EIF4EBP1: variants seen among roughly 807,000 people sequenced by gnomAD.
The protein encoded by EIF4EBP1 is eukaryotic translation initiation factor 4E-binding protein 1.
EIF4EBP1 carries 5 observed loss-of-function variants against 9.2 expected under a neutral mutation model. The observed-to-expected ratio is 0.54, with a 90% confidence interval of 0.28 to 1.14. The LOEUF (loss-of-function observed/expected upper bound fraction) is 1.14. Among genes scored for constraint, EIF4EBP1 ranks in the 50% most tolerant of loss-of-function variants. The probability of loss-of-function intolerance (pLI) is 0.09; values close to 1 mark genes in which losing one functional copy is unlikely to be tolerated. For synonymous variants in EIF4EBP1, 62 were observed against 67.0 expected (o/e 0.93, Z 0.36); for missense variants, 139 against 169.6 (o/e 0.82, Z 1.00).
At chr8:38,059,039 G>A (rs920101239) in intron 2 of EIF4EBP1, among the ~76,000 whole-genome samples, 3 of 152,192 alleles carry the variant, frequency 2.0e-5, no homozygotes, top group African/African-American at 7.2e-5. Context: ...AGCTATGATT[G>A]CGTAACTGCA....
rs1809435849 is a variant in EIF4EBP1, at chr8:38,045,336, TG to T, written c.146-11743del. 2.0e-5 allele frequency among the ~76,000 whole-genome samples: 3 copies of T among 152,182 alleles called. No homozygotes were observed. In the South Asian group the frequency reaches 6.2e-4, roughly 31 times the overall value. ...CCAACAAGGAGATCCTAAAAATAAA[TG>T]GCACGTGCCTGGTGCTTTCAAAATA... is the stretch of plus-strand genomic sequence containing the variant. On this transcript the variant is annotated intron_variant, in intron 1 of 2. Transcript: ENST00000338825.
chr8:38,046,892 G>A (rs1039434352), intron 1 of EIF4EBP1, among the ~76,000 whole-genome samples: 5 of 152,160 alleles, frequency 3.3e-5, no homozygotes, highest in Non-Finnish European at 5.9e-5. Context: ...AGCACACAAC[G>A]GGCTGGATCC....
rs1343714132 is a variant in EIF4EBP1 at position 38,030,862 on chromosome 8, A to G, written c.145+144A>G. ...GGGCATCGGAGAGACAGCGAGGGTC[A>G]TGGAAGTGGCCGCCCGCTTCCCCTC... On this transcript the variant is annotated intron_variant, in intron 1 of 2. Coordinates refer to ENST00000338825, the MANE Select transcript of EIF4EBP1 (RefSeq NM_004095.4). The G allele has an allele frequency of 4.0e-6, 5 of 1,248,334 alleles. No homozygotes were observed. The South Asian group carries it at 5.6e-5, about 14-fold the overall frequency. 77.3% of individuals were successfully genotyped at this position (1,248,334 alleles called of 1,614,324 possible).
intron 1 of EIF4EBP1, among the ~76,000 whole-genome samples, chr8:38,036,406 A>G (rs1300659134): frequency 6.6e-6 from 1 of 152,070 alleles, no homozygotes; most frequent in Non-Finnish European, 1.5e-5. Flanking sequence ...CCAGCTACAC[A>G]GGAGGCTGAG....
At chr8:38,036,702 T>G (rs955944929) in intron 1 of EIF4EBP1, among the ~76,000 whole-genome samples, 4 of 151,566 alleles carry the variant, frequency 2.6e-5, no homozygotes, top group Non-Finnish European at 4.4e-5. Context: ...GGTCTCACTT[T>G]GTCACCCAGG....
At chr8:38,049,990 C>A (rs1427171564) in intron 1 of EIF4EBP1, among the ~76,000 whole-genome samples, 1 of 151,950 alleles carries the variant, frequency 6.6e-6, no homozygotes, top group East Asian at 1.9e-4. Flanking sequence ...CGGCTCACTG[C>A]AGCCTCCGCC....
intron 1 of EIF4EBP1, among the ~76,000 whole-genome samples, chr8:38,031,813 G>A (rs1463230814): frequency 6.6e-6 from 1 of 152,214 alleles, no homozygotes; most frequent in East Asian, 1.9e-4. Flanking sequence ...ATTCTACAGA[G>A]CCCGGCATTG....
At chr8:38,054,253 C>T (rs1048806291) in intron 1 of EIF4EBP1, among the ~76,000 whole-genome samples, 2 of 152,170 alleles carry the variant, frequency 1.3e-5, no homozygotes, top group African/African-American at 2.4e-5. Context: ...AGTTCAAGAC[C>T]AGCTTGGCCA....
At chr8:38,040,683 A>G (rs1025786401) in intron 1 of EIF4EBP1, among the ~76,000 whole-genome samples, 5 of 152,142 alleles carry the variant, frequency 3.3e-5, no homozygotes, top group African/African-American at 1.2e-4. Context: ...AGTTCCCTCT[A>G]TCCTCTTGGT....
rs979930424 is a variant in EIF4EBP1, at chr8:38,030,663, G to A, written c.90G>A (p.Pro30=). Residue 30 remains proline, a synonymous_variant, in exon 1 of 3, where the codon CCG becomes CCA. Coordinates refer to ENST00000338825, the MANE Select transcript of EIF4EBP1 (RefSeq NM_004095.4). ...RVVLGDGVQL[P]PGDYSTTPGG... is the part of the protein sequence containing the mutation. Reference sequence around the variant, plus strand: ...TGCTCGGCGACGGCGTGCAGCTCCCGCCCGGGGACTACAGCACGACCCCCG... The same window carrying A: ...TGCTCGGCGACGGCGTGCAGCTCCCACCCGGGGACTACAGCACGACCCCCG... 1.6e-5 allele frequency: 24 copies of A among 1,501,822 alleles called. No homozygotes were observed. In the African/African-American group the frequency reaches 3.0e-4, roughly 19 times the overall value. The allele number at this position is 1,501,822 out of a possible 1,614,324, so 93.0% of individuals were successfully genotyped here. A position where few individuals can be genotyped will look rare whatever the true frequency, so the allele number is the denominator to read the frequency against.
intron 1 of EIF4EBP1, among the ~76,000 whole-genome samples, chr8:38,048,595 C>T (rs761183116): frequency 1.3e-5 from 2 of 152,160 alleles, no homozygotes; most frequent in Non-Finnish European, 2.9e-5. Context: ...TGCTCCAGCC[C>T]TGCCACACAA....
At chr8:38,045,772 T>G (rs965271841) in intron 1 of EIF4EBP1, among the ~76,000 whole-genome samples, 2 of 152,096 alleles carry the variant, frequency 1.3e-5, no homozygotes, top group African/African-American at 4.8e-5. Context: ...ACAGATCTTG[T>G]TCTGTCTCCC....
At chr8:38,038,600 T>C (rs1809334894) in intron 1 of EIF4EBP1, among the ~76,000 whole-genome samples, 3 of 150,916 alleles carry the variant, frequency 2.0e-5, no homozygotes, top group South Asian at 4.2e-4. Flanking sequence ...CCTCTCAGGC[T>C]CAAGCAATCC....
chr8:38,043,800 C>T lies in EIF4EBP1; in HGVS notation c.145+13082C>T, dbSNP rs370417044. On this transcript the variant is annotated intron_variant, in intron 1 of 2. Coordinates refer to ENST00000338825, the MANE Select transcript of EIF4EBP1 (RefSeq NM_004095.4). ...TCTTGGTTCTCTTTGTGGAGGTCAGCGGTTGCGGGGCAGAGGTAAAGAAAA... is the reference window on the plus strand; with the variant it reads ...TCTTGGTTCTCTTTGTGGAGGTCAGTGGTTGCGGGGCAGAGGTAAAGAAAA... 5.9e-5 allele frequency among the ~76,000 whole-genome samples: 9 copies of T among 152,234 alleles called. No homozygotes were observed. In the South Asian group the frequency reaches 1.7e-3, roughly 28 times the overall value.
At chr8:38,041,568 C>G (rs1402608991) in intron 1 of EIF4EBP1, among the ~76,000 whole-genome samples, 1 of 152,188 alleles carries the variant, frequency 6.6e-6, no homozygotes. Flanking sequence ...GAGCCAGGAC[C>G]AGGTGCAGAA....
chr8:38,046,723 G>T (rs1809453709), intron 1 of EIF4EBP1, among the ~76,000 whole-genome samples: 1 of 152,184 alleles, frequency 6.6e-6, no homozygotes, highest in South Asian at 2.1e-4. Context: ...ATCTGGAGAA[G>T]CAGAAACTGA....
intron 1 of EIF4EBP1, among the ~76,000 whole-genome samples, chr8:38,046,477 A>G (rs1005033836): frequency 1.3e-5 from 2 of 152,186 alleles, no homozygotes; most frequent in Non-Finnish European, 2.9e-5. Context: ...TGTCCCTTCC[A>G]AGTGTCTCTC....
intron 1 of EIF4EBP1, among the ~76,000 whole-genome samples, chr8:38,046,183 G>C (rs1809446737): frequency 6.6e-6 from 1 of 152,056 alleles, no homozygotes; most frequent in African/African-American, 2.4e-5. Flanking sequence ...GATTACAGGC[G>C]TGAGCTTCCC....
In EIF4EBP1 at chr8:38,060,358, G is replaced by A; in HGVS notation, c.*423G>A. On this transcript the variant is annotated 3_prime_UTR_variant, in exon 3 of 3. Transcript: ENST00000338825. ...GAAATAAAAGCCACCTTCGCCCTAGGGCCAAGAGTTGGGCCCCGTCTGAGC... is the reference window on the plus strand; with the variant it reads ...GAAATAAAAGCCACCTTCGCCCTAGAGCCAAGAGTTGGGCCCCGTCTGAGC... The A allele has an allele frequency of 3.9e-6, 1 of 253,208 alleles. No homozygotes were observed. The highest frequency in any genetic ancestry group is 7.7e-6 in the Non-Finnish European group (1 of 130,246). 15.7% of individuals were successfully genotyped at this position (253,208 alleles called of 1,614,324 possible). A position where few individuals can be genotyped will look rare whatever the true frequency, so the allele number is the denominator to read the frequency against.
Sources: allele counts gnomAD v4.1 joint callset (sites outside exome capture counted in the v4.1 genomes callset), GRCh38; gene constraint gnomAD v4.1.1; transcripts MANE v1.5; gene names NCBI Gene and HGNC (gene_info 2026-07-23, HGNC 2026-07-21).